TSPAN11: variants seen among roughly 807,000 people sequenced by gnomAD.
The protein encoded by TSPAN11 is tetraspanin-11.
TSPAN11 carries 29 observed loss-of-function variants against 32.9 expected under a neutral mutation model. The observed-to-expected ratio is 0.88, with a 90% confidence interval of 0.66 to 1.20. The LOEUF is 1.20. TSPAN11 is among the 50% of genes most tolerant of loss of function. The pLI is 0.00. For missense variants in TSPAN11, 283 were observed against 329.1 expected, an observed-to-expected ratio of 0.86 and a Z score of 1.08; for synonymous variants, 140 against 141.3, an observed-to-expected ratio of 0.99 and a Z score of 0.07.
At position 30,978,635 on chromosome 12, in the gene TSPAN11, GGTAA is replaced by G; in HGVS notation, c.351+3_351+6del. 1 of 1,614,104 alleles carries G rather than the reference GGTAA, an allele frequency of 6.2e-7. No homozygotes were observed. The highest frequency in any genetic ancestry group is 1.1e-5 in the South Asian group (1 of 91,070). On this transcript the variant is annotated splice_donor_variant and splice_donor_region_variant and intron_variant, in intron 4 of 7. Transcript: ENST00000546076. LOFTEE classifies it high-confidence loss of function. The stretch of plus-strand genomic sequence containing the variant: ...TCCTGGCCCATGTGTATTACCAGAG[GGTAA>G]GTGACGTTTCCTCCTCCTGCATCCT...
At chr12:30,970,546 T>C (rs1316046682) in intron 3 of TSPAN11, among the ~76,000 whole-genome samples, 3 of 152,150 alleles carry the variant, frequency 2.0e-5, no homozygotes, top group Non-Finnish European at 4.4e-5. Flanking sequence ...TCCCTGCCTC[T>C]TCCAGCATGC....
intron 1 of TSPAN11, 128 bp downstream of exon 1, chr12:30,926,924 C>G (rs767351844): frequency 3.1e-6 from 4 of 1,281,876 alleles, no homozygotes; most frequent in Non-Finnish European, 4.1e-6. Context: ...GAGCTTCCCC[C>G]GGGCGGGCAG....
At chr12:30,987,638 G>A (rs1357869138) in intron 7 of TSPAN11, among the ~76,000 whole-genome samples, 4 of 152,028 alleles carry the variant, frequency 2.6e-5, no homozygotes, top group African/African-American at 7.2e-5. Flanking sequence ...TGGGCTCCCC[G>A]CAGCAAAATG....
At chr12:30,931,495 C>T (rs990225941) in intron 1 of TSPAN11, among the ~76,000 whole-genome samples, 2 of 70,274 alleles carry the variant, frequency 2.8e-5, no homozygotes, top group Non-Finnish European at 5.8e-5. Flanking sequence ...TCTTGAAATG[C>T]GGTAGAGATT....
At chr12:30,973,861 TA>T (rs1296689474) in intron 3 of TSPAN11, among the ~76,000 whole-genome samples, 4 of 152,306 alleles carry the variant, frequency 2.6e-5, no homozygotes, top group Admixed American at 2.6e-4. Flanking sequence ...GAGTCAACCC[TA>T]ACACAAACCT....
chr12:30,935,474 A>G (rs750181281), intron 1 of TSPAN11, among the ~76,000 whole-genome samples: 9 of 140,558 alleles, frequency 6.4e-5, no homozygotes, highest in Non-Finnish European at 1.2e-4. Flanking sequence ...TCCTCCACCT[A>G]CTTGGTTCGA....
intron 1 of TSPAN11, among the ~76,000 whole-genome samples, chr12:30,946,286 C>G (rs944549156): frequency 2.6e-5 from 4 of 152,192 alleles, no homozygotes; most frequent in African/African-American, 9.7e-5. Context: ...CACCCTAAAC[C>G]TAATGAATCA....
intron 1 of TSPAN11, among the ~76,000 whole-genome samples, chr12:30,936,563 G>T (rs1023588510): frequency 6.6e-6 from 1 of 152,194 alleles, no homozygotes; most frequent in Non-Finnish European, 1.5e-5. Flanking sequence ...TGGTGGGTTC[G>T]CAAGATGTTC....
chr12:31,004,519 G>A, the TSPAN11 span, among the ~76,000 whole-genome samples: 6 of 152,276 alleles, frequency 3.9e-5, no homozygotes, highest in South Asian at 1.0e-3. Context: ...GGTGAAGCTG[G>A]CAGGAACAAT....
chr12:30,964,353 C>A (rs918322716), intron 3 of TSPAN11, among the ~76,000 whole-genome samples: 3 of 150,976 alleles, frequency 2.0e-5, no homozygotes, highest in African/African-American at 7.4e-5. Context: ...CTATTCTGTA[C>A]CCTTCCCCTC....
intron 1 of TSPAN11, among the ~76,000 whole-genome samples, chr12:30,927,868 G>A (rs1937834788): frequency 6.6e-6 from 1 of 152,088 alleles, no homozygotes; most frequent in Non-Finnish European, 1.5e-5. Flanking sequence ...GTGCAAAATG[G>A]GACTAATAAC....
At chr12:30,962,724 A>C (rs1938637841) in intron 2 of TSPAN11, among the ~76,000 whole-genome samples, 1 of 152,112 alleles carries the variant, frequency 6.6e-6, no homozygotes, top group Non-Finnish European at 1.5e-5. Context: ...TCCTTGAGGA[A>C]GCATCCCACA....
chr12:30,998,535 C>G (rs999372668), downstream of TSPAN11, among the ~76,000 whole-genome samples: 2 of 152,240 alleles, frequency 1.3e-5, no homozygotes, highest in Non-Finnish European at 2.9e-5. Flanking sequence ...GCTTCAGTCT[C>G]TAGCTGAAAC....
intron 1 of TSPAN11, among the ~76,000 whole-genome samples, chr12:30,945,580 C>A (rs1241437584): frequency 6.6e-6 from 1 of 152,088 alleles, no homozygotes; most frequent in African/African-American, 2.4e-5. Context: ...CTGGATGGAG[C>A]CTTGCCCTGT....
chr12:30,973,311 G>A (rs945009440), intron 3 of TSPAN11, among the ~76,000 whole-genome samples: 58 of 152,212 alleles, frequency 3.8e-4, no homozygotes, highest in Admixed American at 2.6e-4. Context: ...ATCTCCAAGC[G>A]TGGACAGGAG....
chr12:30,999,730 G>GT (rs1195740598), downstream of TSPAN11, among the ~76,000 whole-genome samples: 2 of 152,038 alleles, frequency 1.3e-5, no homozygotes, highest in Non-Finnish European at 2.9e-5. Flanking sequence ...TTGCCCACTG[G>GT]TTGGACTGGC....
At position 30,928,006 on chromosome 12, in the gene TSPAN11, G is replaced by A. The variant is rs150645309; in HGVS notation, c.-12+1210G>A. ...ACAGGGGCCAAGTTGGTGGTCTGGCGAGGGCTTAGGTGGCCCAGAGCTGTT... is the reference window on the plus strand; with the variant it reads ...ACAGGGGCCAAGTTGGTGGTCTGGCAAGGGCTTAGGTGGCCCAGAGCTGTT... On this transcript the variant is annotated intron_variant, in intron 1 of 7. Transcript: ENST00000546076. 2.7e-3 allele frequency among the ~76,000 whole-genome samples: 407 copies of A among 152,290 alleles called. 2 individuals are homozygous for A. Among genetic ancestry groups the A allele is most frequent in the African/African-American group, 9.0e-3 (375 of 41,566 alleles).
At chr12:31,004,920 T>G in the TSPAN11 span, among the ~76,000 whole-genome samples, 2 of 152,214 alleles carry the variant, frequency 1.3e-5, no homozygotes, top group African/African-American at 4.8e-5. Flanking sequence ...CATCACCCTG[T>G]GATGAGTTGC....
At chr12:30,937,819 G>C (rs1459313790) in intron 1 of TSPAN11, among the ~76,000 whole-genome samples, 1 of 152,190 alleles carries the variant, frequency 6.6e-6, no homozygotes, top group East Asian at 1.9e-4. Context: ...CCCTCCAGGT[G>C]ATTCTAATGT....
Sources: gnomAD v4.1 joint callset for allele counts (sites outside exome capture counted in the v4.1 genomes callset) on GRCh38, gnomAD v4.1.1 for gene constraint, MANE v1.5 for transcripts, NCBI Gene and HGNC (gene_info 2026-07-23, HGNC 2026-07-21) for gene names.